Variants in OTUD7A observed in about 807,000 individuals in gnomAD.
OTUD7A encodes the protein OTU deubiquitinase 7A.
In OTUD7A, 12 loss-of-function variants were observed where a neutral mutation model predicts 65.7. The ratio of observed to expected loss-of-function variants is 0.18; its 90% CI spans 0.12 to 0.30. OTUD7A has a LOEUF of 0.30. Among genes scored for constraint, OTUD7A ranks in the 10% least tolerant of loss-of-function variants. The pLI is 1.00. For synonymous variants in OTUD7A, 641 were observed against 586.3 expected (o/e 1.09, Z -1.35); for missense variants, 1,148 against 1,304.8 (o/e 0.88, Z 1.85).
At position 31,483,732 on chromosome 15, in the gene OTUD7A, G is replaced by A; in HGVS notation, c.2364C>T (p.Asp788=). The change falls in exon 13 of 13, where the codon GAC becomes GAT. Residue 788 remains aspartate (D), a synonymous_variant. Coordinates refer to ENST00000307050, the MANE Select transcript of OTUD7A (RefSeq NM_001382637.1). ...CCCCCACGGCCGGCGCGCACGCCTC[G>A]TCCCGCGCGCCCGACGCCTGCACGT... ...VIHVQASGAR[D]EACAPAVGAL... is the part of the protein sequence containing the mutation. The A allele has an allele frequency of 6.3e-6, 7 of 1,116,280 alleles. No homozygotes were observed. Among genetic ancestry groups the A allele is most frequent in the Non-Finnish European group, 7.6e-6 (7 of 916,644 alleles). 69.1% of individuals were successfully genotyped at this position (1,116,280 alleles called of 1,614,324 possible). A position where few individuals can be genotyped will look rare whatever the true frequency, so the allele number is the denominator to read the frequency against.
At chr15:31,674,541 G>A (rs1372690593) in intron 1 of OTUD7A, among the ~76,000 whole-genome samples, 1 of 152,196 alleles carries the variant, frequency 6.6e-6, no homozygotes, top group African/African-American at 2.4e-5. Flanking sequence ...GGGAGCAGTT[G>A]AGACCCTGGA....
intron 1 of OTUD7A, among the ~76,000 whole-genome samples, chr15:31,786,368 G>T (rs16955904): frequency 0.04 from 6,097 of 152,268 alleles, 411 homozygotes; most frequent in African/African-American, 0.14. Flanking sequence ...CCTCCGACAA[G>T]TCTTATTGCC....
intron 1 of OTUD7A, among the ~76,000 whole-genome samples, chr15:31,659,832 A>G (rs1260969017): frequency 6.6e-6 from 1 of 152,260 alleles, no homozygotes; most frequent in East Asian, 1.9e-4. Context: ...CACTGAACAC[A>G]GGGATAAGGG....
At chr15:31,784,759 G>C (rs1430151512) in intron 1 of OTUD7A, among the ~76,000 whole-genome samples, 2 of 152,118 alleles carry the variant, frequency 1.3e-5, no homozygotes, top group African/African-American at 4.8e-5. Context: ...AAAGCAGCGG[G>C]CTTTGTATTG....
intron 1 of OTUD7A, among the ~76,000 whole-genome samples, chr15:31,832,172 A>C (rs1896949942): frequency 1.3e-5 from 2 of 152,174 alleles, no homozygotes; most frequent in Non-Finnish European, 2.9e-5. Flanking sequence ...TCCAAGCTTG[A>C]CCCAGAGGTA....
At chr15:31,687,974 T>C (rs1310439775) in intron 1 of OTUD7A, among the ~76,000 whole-genome samples, 1 of 152,068 alleles carries the variant, frequency 6.6e-6, no homozygotes. Context: ...GCAGCACTTT[T>C]AGAGGTCAAG....
intron 10 of OTUD7A, among the ~76,000 whole-genome samples, chr15:31,495,515 C>T (rs1432264122): frequency 4.6e-5 from 7 of 152,174 alleles, no homozygotes; most frequent in African/African-American, 7.2e-5. Flanking sequence ...CCCAGCTCCT[C>T]GGCCTCTCAC....
intron 1 of OTUD7A, among the ~76,000 whole-genome samples, chr15:31,759,620 G>A (rs1429856229): frequency 1.3e-5 from 2 of 152,142 alleles, no homozygotes; most frequent in Admixed American, 6.5e-5. Flanking sequence ...TGCCACCTCT[G>A]CCTCCCGGGT....
chr15:31,656,338 A>G (rs1891992146), intron 2 of OTUD7A, among the ~76,000 whole-genome samples: 1 of 152,050 alleles, frequency 6.6e-6, no homozygotes, highest in African/African-American at 2.4e-5. Flanking sequence ...AGAGGTCTGC[A>G]AGTTATAGAC....
chr15:31,639,346 C>CT (rs1322415938), intron 3 of OTUD7A, among the ~76,000 whole-genome samples: 5 of 151,084 alleles, frequency 3.3e-5, no homozygotes, highest in Non-Finnish European at 7.4e-5. Context: ...CAATAATTCA[C>CT]TCCTTTGGAT....
chr15:31,798,747 G>T (rs1439687525), intron 1 of OTUD7A, among the ~76,000 whole-genome samples: 2 of 152,196 alleles, frequency 1.3e-5, no homozygotes. Flanking sequence ...CATCAGCTAC[G>T]TTGTTCTGGT....
intron 3 of OTUD7A, among the ~76,000 whole-genome samples, chr15:31,588,366 C>T (rs774883419): frequency 1.7e-4 from 26 of 152,222 alleles, no homozygotes; most frequent in African/African-American, 4.3e-4. Flanking sequence ...CATGGCAACA[C>T]GCTAAGGGAA....
intron 4 of OTUD7A, among the ~76,000 whole-genome samples, chr15:31,568,342 T>C (rs1413728410): frequency 1.3e-5 from 2 of 152,270 alleles, no homozygotes; most frequent in East Asian, 1.9e-4. Context: ...CTGCTGGGTT[T>C]TGAACTTGTG....
chr15:31,865,796 C>T (rs1227421185), intron 1 of OTUD7A, among the ~76,000 whole-genome samples: 1 of 152,140 alleles, frequency 6.6e-6, no homozygotes, highest in Non-Finnish European at 1.5e-5. Context: ...TCACACCAAT[C>T]CCCAGCACCA....
intron 1 of OTUD7A, among the ~76,000 whole-genome samples, chr15:31,819,834 T>C (rs1252980869): frequency 6.6e-6 from 1 of 152,042 alleles, no homozygotes; most frequent in Admixed American, 6.6e-5. Context: ...GTTATTTTTA[T>C]ACGTAATATC....
At chr15:31,765,816 A>G in intron 1 of OTUD7A, 1 of 1,360,068 alleles carries the variant, frequency 7.4e-7, no homozygotes, top group Non-Finnish European at 1.1e-6. Flanking sequence ...TTTGTCACCA[A>G]AAAGTGCTGC....
chr15:31,617,037 C>G (rs781496610), intron 3 of OTUD7A, among the ~76,000 whole-genome samples: 3 of 152,136 alleles, frequency 2.0e-5, no homozygotes, highest in South Asian at 2.1e-4. Flanking sequence ...GGAGAAACAA[C>G]AAGACCAAGA....
At chr15:31,673,564 T>G (rs1358909228) in intron 1 of OTUD7A, among the ~76,000 whole-genome samples, 2 of 152,236 alleles carry the variant, frequency 1.3e-5, no homozygotes, top group African/African-American at 4.8e-5. Context: ...TTTGAAAGAT[T>G]TATGTTTTTA....
At position 31,483,263 on chromosome 15, in the gene OTUD7A, G is replaced by A. The variant is rs1166049731; in HGVS notation, c.*31C>T. 3 of 1,075,534 alleles carry A rather than the reference G, an allele frequency of 2.8e-6. No homozygotes were observed. Among genetic ancestry groups the A allele is most frequent in the Non-Finnish European group, 3.4e-6 (3 of 890,172 alleles). The allele number at this position is 1,075,534 out of a possible 1,614,324, so 66.6% of individuals were successfully genotyped here. A position where few individuals can be genotyped will look rare whatever the true frequency, so the allele number is the denominator to read the frequency against. Reference sequence around the variant, plus strand: ...AATGGAAAAGAAATCCTCGAAGGTAGAACCTCGCCGCCCGCGCCGCGCCGC... The same window carrying A: ...AATGGAAAAGAAATCCTCGAAGGTAAAACCTCGCCGCCCGCGCCGCGCCGC... On this transcript the variant is annotated 3_prime_UTR_variant, in exon 13 of 13. Transcript: ENST00000307050.
Sources: allele counts gnomAD v4.1 joint callset (sites outside exome capture counted in the v4.1 genomes callset), GRCh38; gene constraint gnomAD v4.1.1; transcripts MANE v1.5; gene names NCBI Gene and HGNC (gene_info 2026-07-23, HGNC 2026-07-21).